DLG2: variants seen among roughly 807,000 people sequenced by gnomAD.
DLG2 encodes disks large homolog 2.
A neutral mutation model predicts 132.5 loss-of-function variants in DLG2; 45 were observed. The observed-to-expected ratio is 0.34, with a 90% CI of 0.27 to 0.44. DLG2 has a LOEUF of 0.44. DLG2 is among the 20% of genes least tolerant of loss of function. The pLI is 1.00. For missense variants in DLG2, 1,045 were observed against 1,196.9 expected (o/e 0.87, Z 1.87); for synonymous variants, 424 against 419.6 (o/e 1.01, Z -0.13).
chr11:84,119,461 A>T (rs992510941), intron 9 of DLG2, among the ~76,000 whole-genome samples: 1 of 151,102 alleles, frequency 6.6e-6, no homozygotes, highest in Non-Finnish European at 1.5e-5. Flanking sequence ...TATATATATA[A>T]ATATATATCA....
At chr11:85,055,536 G>C (rs2063362856) in intron 6 of DLG2, among the ~76,000 whole-genome samples, 1 of 152,142 alleles carries the variant, frequency 6.6e-6, no homozygotes, top group Non-Finnish European at 1.5e-5. Context: ...AGAGCTTTTG[G>C]CAGTCTCAAT....
At chr11:83,750,523 G>A (rs773361430) in intron 18 of DLG2, among the ~76,000 whole-genome samples, 7 of 152,132 alleles carry the variant, frequency 4.6e-5, no homozygotes, top group Non-Finnish European at 1.0e-4. Flanking sequence ...AATAGAGAGA[G>A]GCTCTACTCC....
At chr11:85,589,139 C>T (rs967738985) in intron 3 of DLG2, among the ~76,000 whole-genome samples, 1 of 152,164 alleles carries the variant, frequency 6.6e-6, no homozygotes. Flanking sequence ...CTGGCTTTCT[C>T]AAATGCTGGT....
At chr11:84,594,417 G>C (rs1372661799) in intron 6 of DLG2, among the ~76,000 whole-genome samples, 1 of 152,150 alleles carries the variant, frequency 6.6e-6, no homozygotes, top group African/African-American at 2.4e-5. Context: ...ATTCCATTTG[G>C]AATGCCAACA....
chr11:85,115,812 T>C (rs2073487482), intron 5 of DLG2, among the ~76,000 whole-genome samples: 1 of 151,942 alleles, frequency 6.6e-6, no homozygotes, highest in Admixed American at 6.6e-5. Flanking sequence ...ATTCTGGACC[T>C]CAGAATCCCA....
intron 3 of DLG2, among the ~76,000 whole-genome samples, chr11:85,514,395 G>A (rs1347924001): frequency 1.3e-5 from 2 of 151,944 alleles, no homozygotes; most frequent in Non-Finnish European, 2.9e-5. Context: ...AAATCACATA[G>A]GAGAAATTTT....
intron 9 of DLG2, among the ~76,000 whole-genome samples, chr11:84,110,984 T>A (rs890611769): frequency 5.9e-5 from 9 of 152,214 alleles, no homozygotes; most frequent in African/African-American, 2.2e-4. Flanking sequence ...GAAAAGTGCT[T>A]GACTCAGAGT....
At chr11:84,682,231 T>C (rs954029614) in intron 6 of DLG2, among the ~76,000 whole-genome samples, 24 of 152,282 alleles carry the variant, frequency 1.6e-4, no homozygotes, top group Non-Finnish European at 3.5e-4. Flanking sequence ...AACCAAATTA[T>C]AGCACAGTCC....
chr11:84,230,431 T>C (rs2097075710), intron 8 of DLG2, among the ~76,000 whole-genome samples: 1 of 152,214 alleles, frequency 6.6e-6, no homozygotes, highest in African/African-American at 2.4e-5. Context: ...ATATTTGTTA[T>C]GCCAGTAATA....
chr11:84,283,537 T>C (rs1433566026), intron 7 of DLG2, among the ~76,000 whole-genome samples: 2 of 152,230 alleles, frequency 1.3e-5, no homozygotes, highest in African/African-American at 4.8e-5. Context: ...TCACATCTTT[T>C]GGTTATTAGT....
intron 6 of DLG2, among the ~76,000 whole-genome samples, chr11:85,007,098 A>T (rs1259745001): frequency 6.6e-6 from 1 of 152,130 alleles, no homozygotes; most frequent in African/African-American, 2.4e-5. Context: ...AACTCCGTGA[A>T]TTAGAAGTCA....
At chr11:85,222,892 G>C (rs974278536) in intron 4 of DLG2, among the ~76,000 whole-genome samples, 1 of 152,102 alleles carries the variant, frequency 6.6e-6, no homozygotes, top group African/African-American at 2.4e-5. Flanking sequence ...GACATAAGCA[G>C]ACACTACCTT....
intron 4 of DLG2, among the ~76,000 whole-genome samples, chr11:85,267,532 G>A (rs1394983607): frequency 6.6e-6 from 1 of 152,054 alleles, no homozygotes; most frequent in Non-Finnish European, 1.5e-5. Flanking sequence ...GATACAAGGT[G>A]CTAGTTAGTT....
chr11:84,835,968 C>T, intron 6 of DLG2, among the ~76,000 whole-genome samples: 1 of 151,710 alleles, frequency 6.6e-6, no homozygotes, highest in Middle Eastern at 3.4e-3. Flanking sequence ...CTAAAATAAA[C>T]TGAAGAATTA....
At chr11:85,267,645 T>C (rs949266560) in intron 4 of DLG2, among the ~76,000 whole-genome samples, 5 of 149,380 alleles carry the variant, frequency 3.3e-5, no homozygotes, top group African/African-American at 1.2e-4. Flanking sequence ...ATCAGTTATT[T>C]AAAAAAAAAA....
intron 8 of DLG2, among the ~76,000 whole-genome samples, chr11:84,216,271 A>G (rs1037413978): frequency 1.3e-5 from 2 of 152,130 alleles, no homozygotes; most frequent in Admixed American, 6.5e-5. Flanking sequence ...AGGCTCATGT[A>G]ATTACAGTGA....
At chr11:84,394,958 A>G (rs4547118) in intron 7 of DLG2, among the ~76,000 whole-genome samples, 65,171 of 151,878 alleles carry the variant, frequency 0.43, 19,020 homozygotes, top group African/African-American at 0.84. Context: ...CATGCTGTTT[A>G]TCCCCTCCTT....
intron 21 of DLG2, chr11:83,486,027 GA>G: frequency 2.4e-6 from 1 of 420,658 alleles, no homozygotes; most frequent in Non-Finnish European, 4.2e-6. Flanking sequence ...TTCTCAGAGG[GA>G]AAAGAGGTAT....
chr11:85,026,020 C>CA lies in DLG2; in HGVS notation c.357+85640dup, dbSNP rs574619720. Among the ~76,000 whole-genome samples the CA allele has an allele frequency of 4.4e-3, 673 of 151,828 alleles. 3 individuals are homozygous for CA. Among genetic ancestry groups the CA allele is most frequent in the Non-Finnish European group, 7.4e-3 (500 of 67,866 alleles). ...ATGTACATAAGACAATAAAGATTTT[C>CA]AAAAAAATTTTGAAGTTATTTTTAT... On this transcript the variant is annotated intron_variant, in intron 6 of 27. Coordinates refer to ENST00000376104, the MANE Select transcript of DLG2 (RefSeq NM_001142699.3).
Sources: allele counts gnomAD v4.1 joint callset (sites outside exome capture counted in the v4.1 genomes callset), GRCh38; gene constraint gnomAD v4.1.1; transcripts MANE v1.5; gene names NCBI Gene and HGNC (gene_info 2026-07-23, HGNC 2026-07-21).